Variants in MTCL2 observed in about 807,000 individuals in gnomAD.
MTCL2 encodes the protein microtubule crosslinking factor 2, also known as microtubule cross-linking factor 2.
the MTCL2 span, chr20:36,793,284 G>A: frequency 6.4e-6 from 10 of 1,551,808 alleles, no homozygotes; most frequent in South Asian, 2.4e-5. This position sits in a 1 kb window ranked among gnomAD's most constrained non-coding sequence, Gnocchi z 6.8. Flanking sequence ...TCTCCGTCCC[G>A]GAGGACACCA....
the MTCL2 span, among the ~76,000 whole-genome samples, chr20:36,842,452 A>T: frequency 6.6e-6 from 1 of 152,348 alleles, no homozygotes; most frequent in East Asian, 1.9e-4. Flanking sequence ...AATGTGACCG[A>T]ATGATTTAAA....
the MTCL2 span, among the ~76,000 whole-genome samples, chr20:36,788,504 G>A: frequency 6.6e-6 from 1 of 152,062 alleles, no homozygotes. Context: ...CGGGCGCGGT[G>A]GCAGGTGCCT....
chr20:36,829,131 C>T, the MTCL2 span: 12 of 1,592,806 alleles, frequency 7.5e-6, no homozygotes, highest in South Asian at 1.3e-4. Context: ...CGAAGCTCTT[C>T]GTTCTCCTCC....
At chr20:36,786,499 G>A in the MTCL2 span, 4 of 1,546,222 alleles carry the variant, frequency 2.6e-6, no homozygotes, top group Non-Finnish European at 3.5e-6. Context: ...TCGCTGGGGG[G>A]GAGTGCCCTC....
At chr20:36,843,939 ATT>A in the MTCL2 span, among the ~76,000 whole-genome samples, 1 of 152,168 alleles carries the variant, frequency 6.6e-6, no homozygotes, top group African/African-American at 2.4e-5. Context: ...TGATTTTCTT[ATT>A]TATAAAACAG....
the MTCL2 span, chr20:36,808,808 C>A: frequency 8.3e-6 from 12 of 1,437,306 alleles, no homozygotes; most frequent in African/African-American, 1.6e-4. Flanking sequence ...CTTTCTGGGC[C>A]CCTGGACAGG....
chr20:36,855,837 G>A, the MTCL2 span, among the ~76,000 whole-genome samples: 613 of 152,284 alleles, frequency 4.0e-3, 5 homozygotes, highest in African/African-American at 0.014. Context: ...GCATGCACAC[G>A]GAGGAGGTGA....
chr20:36,849,656 C>A, the MTCL2 span, among the ~76,000 whole-genome samples: 4 of 152,110 alleles, frequency 2.6e-5, no homozygotes, highest in African/African-American at 9.7e-5. Context: ...CCAGCCTGGG[C>A]TGGTAAATCA....
chr20:36,780,532 G>A, the MTCL2 span: 10 of 152,238 alleles, frequency 6.6e-5, no homozygotes, highest in African/African-American at 2.4e-4. Flanking sequence ...GACTAGTGAA[G>A]GGGGTGAGGA....
the MTCL2 span, chr20:36,808,562 C>T: frequency 1.4e-4 from 232 of 1,610,090 alleles, no homozygotes; most frequent in Middle Eastern, 3.3e-4. Flanking sequence ...CTGCCGCCAG[C>T]GCTTGAGGAA....
chr20:36,779,993 A>T, the MTCL2 span: 1 of 152,188 alleles, frequency 6.6e-6, no homozygotes, highest in African/African-American at 2.4e-5. Context: ...TGGGAAGCAG[A>T]CTGAGCCCAG....
At chr20:36,841,882 T>TGGGG in the MTCL2 span, among the ~76,000 whole-genome samples, 4,958 of 141,516 alleles carry the variant, frequency 0.035, 134 homozygotes, top group Non-Finnish European at 0.054. Flanking sequence ...GGGGTGTGTG[T>TGGGG]GTGTGTGTGT....
chr20:36,835,462 G>T, the MTCL2 span, among the ~76,000 whole-genome samples: 1 of 152,184 alleles, frequency 6.6e-6, no homozygotes, highest in Non-Finnish European at 1.5e-5. Context: ...GAGGCACCAA[G>T]CGGTAGGGGC....
the MTCL2 span, among the ~76,000 whole-genome samples, chr20:36,792,831 G>T: frequency 1.4e-5 from 2 of 147,000 alleles, no homozygotes; most frequent in East Asian, 3.9e-4. Flanking sequence ...TATATATATA[G>T]ATATATAGAT....
the MTCL2 span, among the ~76,000 whole-genome samples, chr20:36,802,149 G>A: frequency 2.0e-5 from 3 of 152,064 alleles, no homozygotes; most frequent in Non-Finnish European, 4.4e-5. Context: ...AGCCGGCTGT[G>A]GTAGCACACG....
the MTCL2 span, chr20:36,862,704 A>C: frequency 6.7e-7 from 1 of 1,500,972 alleles, no homozygotes; most frequent in East Asian, 2.7e-5. Flanking sequence ...CTCCCGCACC[A>C]AGCCGCTGGG....
At chr20:36,829,189 C>T in the MTCL2 span, 3 of 1,610,818 alleles carry the variant, frequency 1.9e-6, no homozygotes, top group Non-Finnish European at 1.7e-6. Flanking sequence ...CCTTATGCAG[C>T]CGCATGGAGA....
At chr20:36,794,771 T>C in the MTCL2 span, 28 of 578,726 alleles carry the variant, frequency 4.8e-5, no homozygotes, top group South Asian at 1.3e-4. The surrounding 1 kb of genome is among the most constrained non-coding windows in gnomAD (Gnocchi z 5.4). Flanking sequence ...TGCATTTTCT[T>C]TTTTTTTTTT....
chr20:36,793,571 C>A, the MTCL2 span: 1 of 1,551,666 alleles, frequency 6.4e-7, no homozygotes. The surrounding 1 kb of genome is among the most constrained non-coding windows in gnomAD (Gnocchi z 6.8). Context: ...AGACTCCGTG[C>A]TCCCTGAGTG....
Sources: allele counts gnomAD v4.1 joint callset (sites outside exome capture counted in the v4.1 genomes callset), GRCh38; gene constraint gnomAD v4.1.1; non-coding constraint Gnocchi (gnomAD v3.1); transcripts MANE v1.5; gene names NCBI Gene and HGNC (gene_info 2026-07-23, HGNC 2026-07-21).